Variants in SMURF2 observed in about 807,000 individuals in gnomAD.
SMURF2 encodes E3 ubiquitin-protein ligase SMURF2.
A neutral mutation model predicts 109.6 loss-of-function variants in SMURF2; 48 were observed. The ratio of observed to expected loss-of-function variants is 0.44; its 90% CI spans 0.35 to 0.56. The LOEUF is 0.56. Among genes scored for constraint, SMURF2 ranks in the 20% least tolerant of loss-of-function variants. The pLI is 0.01. For missense variants in SMURF2, 575 were observed against 909.0 expected (o/e 0.63, Z 4.72); for synonymous variants, 288 against 317.1 (o/e 0.91, Z 0.97).
chr17:64,560,102 C>T (rs1247689357), intron 12 of SMURF2, among the ~76,000 whole-genome samples: 2 of 151,448 alleles, frequency 1.3e-5, no homozygotes, highest in African/African-American at 2.4e-5. Context: ...ATAGTCCTAG[C>T]TCTTTAGGAG....
intron 1 of SMURF2, among the ~76,000 whole-genome samples, chr17:64,659,669 C>G (rs1264949388): frequency 1.3e-5 from 2 of 152,226 alleles, no homozygotes; most frequent in Admixed American, 1.3e-4. Context: ...TCAGTCAAAA[C>G]AATCTTTTCC....
At chr17:64,631,026 T>C (rs1214270388) in intron 1 of SMURF2, among the ~76,000 whole-genome samples, 6 of 151,470 alleles carry the variant, frequency 4.0e-5, no homozygotes, top group African/African-American at 1.2e-4. Context: ...GTGAAGGTCA[T>C]GTGTAGTGGC....
chr17:64,560,147 C>G (rs1555684406), intron 12 of SMURF2, among the ~76,000 whole-genome samples: 1 of 151,336 alleles, frequency 6.6e-6, no homozygotes, highest in African/African-American at 2.4e-5. Flanking sequence ...CCTAGGAGTT[C>G]GAAGCTGCAG....
chr17:64,551,880 A>G (rs963816690), intron 15 of SMURF2, among the ~76,000 whole-genome samples, 176 bp from the exon 16 acceptor site: 1 of 152,194 alleles, frequency 6.6e-6, no homozygotes, highest in African/African-American at 2.4e-5. Context: ...CTGAGGTGTG[A>G]CACAGTTCAA....
chr17:64,627,150 T>G (rs1181514105), intron 1 of SMURF2, among the ~76,000 whole-genome samples: 1 of 143,512 alleles, frequency 7.0e-6, no homozygotes, highest in African/African-American at 2.7e-5. Flanking sequence ...GTCTTGCTCC[T>G]GTTGCCCAGG....
intron 1 of SMURF2, among the ~76,000 whole-genome samples, chr17:64,649,899 A>G (rs1261803700): frequency 6.6e-6 from 1 of 152,204 alleles, no homozygotes; most frequent in Non-Finnish European, 1.5e-5. Context: ...ATACCTAATT[A>G]TATTTCATTA....
chr17:64,556,046 A>T (rs1412117197), intron 13 of SMURF2, 48 bp from the exon 14 acceptor site: 14 of 1,369,294 alleles, frequency 1.0e-5, no homozygotes, highest in Non-Finnish European at 1.4e-5. Flanking sequence ...ACCCAGGAAA[A>T]TTTTAATAAA....
chr17:64,600,690 C>G lies in SMURF2; in HGVS notation c.92-2200G>C, dbSNP rs115741285. ...AAGCTGAGTGCTATGCATAGTATTT[C>G]AGTAACACCTAACCATTTATAAATG... On this transcript the variant is annotated intron_variant, in intron 2 of 18. Transcript: ENST00000262435. Among the ~76,000 whole-genome samples, 466 of 152,280 alleles carry G rather than the reference C, an allele frequency of 3.1e-3. 2 individuals are homozygous for G. The highest frequency in any genetic ancestry group is 0.011 in the African/African-American group (453 of 41,560).
chr17:64,626,367 T>G (rs1354337029), intron 1 of SMURF2, among the ~76,000 whole-genome samples: 1 of 152,170 alleles, frequency 6.6e-6, no homozygotes, highest in East Asian at 1.9e-4. Flanking sequence ...CTTGGAACTT[T>G]TACTTGTAAG....
At chr17:64,553,427 A>C (rs1277987261) in intron 15 of SMURF2, among the ~76,000 whole-genome samples, 1 of 151,894 alleles carries the variant, frequency 6.6e-6, no homozygotes, top group Non-Finnish European at 1.5e-5. Flanking sequence ...AATCACTTGA[A>C]CCTGGGAGGC....
At chr17:64,649,158 T>C (rs1483399963) in intron 1 of SMURF2, among the ~76,000 whole-genome samples, 1 of 152,176 alleles carries the variant, frequency 6.6e-6, no homozygotes, top group African/African-American at 2.4e-5. Context: ...CACTAAAGTA[T>C]GATTTTTCAT....
chr17:64,590,833 T>G (rs1299555594), intron 5 of SMURF2, among the ~76,000 whole-genome samples: 3 of 152,134 alleles, frequency 2.0e-5, no homozygotes, highest in Non-Finnish European at 4.4e-5. Flanking sequence ...TGCTCTACTA[T>G]ATTAGGATAC....
intron 4 of SMURF2, 121 bp downstream of exon 4, chr17:64,593,315 ATATT>A (rs1370697030): frequency 2.8e-6 from 2 of 726,282 alleles, no homozygotes; most frequent in Non-Finnish European, 3.7e-6. Flanking sequence ...TCAAATATAT[ATATT>A]ATTTTTAAAT....
chr17:64,581,124 G>T lies in SMURF2; in HGVS notation c.570-133C>A. 1 of 790,448 alleles carries T rather than the reference G, an allele frequency of 1.3e-6. No homozygotes were observed. Among genetic ancestry groups the T allele is most frequent in the Non-Finnish European group, 2.0e-6 (1 of 501,370 alleles). 49.0% of individuals were successfully genotyped at this position (790,448 alleles called of 1,614,324 possible). On this transcript the variant is annotated intron_variant, in intron 7 of 18. Coordinates refer to ENST00000262435, the MANE Select transcript of SMURF2 (RefSeq NM_022739.4). This position sits in a 1 kb window ranked among gnomAD's most constrained non-coding sequence, Gnocchi z 4.3. ...ACAGAATGACTAATACAAGTATAAT[G>T]ACTTCAAGAACTCTGAGTAAAAGCA...
chr17:64,557,726 GA>G lies in SMURF2; in HGVS notation c.1317-5del, dbSNP rs1555684158. 6.4e-7 allele frequency: 1 copy of G among 1,571,916 alleles called. No individual in the cohort carries two copies. The highest frequency in any genetic ancestry group is 1.1e-5 in the South Asian group (1 of 87,662). ...TGACAAGAGATACAACCATTCCCTA[GA>G]AAACAAGATATGACCAAGGAATTTT... On this transcript the variant is annotated splice_polypyrimidine_tract_variant and splice_region_variant and intron_variant, in intron 12 of 18. Transcript: ENST00000262435.
intron 3 of SMURF2, among the ~76,000 whole-genome samples, chr17:64,594,426 C>T (rs1394423361): frequency 1.3e-5 from 2 of 152,056 alleles, no homozygotes; most frequent in Non-Finnish European, 2.9e-5. Context: ...ACTTGAGCCC[C>T]GGGATCCAGC....
chr17:64,634,879 C>T (rs2144713978), intron 1 of SMURF2, among the ~76,000 whole-genome samples: 1 of 152,170 alleles, frequency 6.6e-6, no homozygotes, highest in Non-Finnish European at 1.5e-5. Flanking sequence ...ATTTTAAGAG[C>T]ACAGAATTGG....
chr17:64,650,363 T>C (rs1272444271), intron 1 of SMURF2, among the ~76,000 whole-genome samples: 1 of 151,806 alleles, frequency 6.6e-6, no homozygotes, highest in Non-Finnish European at 1.5e-5. Context: ...TTTTTTGGTA[T>C]TTTCACACCT....
chr17:64,568,923 A>G (rs984286499), intron 10 of SMURF2, among the ~76,000 whole-genome samples: 9 of 151,842 alleles, frequency 5.9e-5, no homozygotes, highest in Admixed American at 6.6e-5. Context: ...AATCGCTTGA[A>G]CCCAAGAGGC....
Sources: gnomAD v4.1 joint callset for allele counts (sites outside exome capture counted in the v4.1 genomes callset) on GRCh38, gnomAD v4.1.1 for gene constraint, Gnocchi (gnomAD v3.1) non-coding constraint, MANE v1.5 for transcripts, NCBI Gene and HGNC (gene_info 2026-07-23, HGNC 2026-07-21) for gene names.